The following CDH7 variants were observed in gnomAD, a reference collection of about 807,000 sequenced individuals.
CDH7 encodes the protein cadherin-7.
In CDH7, 25 loss-of-function variants were observed where a neutral mutation model predicts 71.8. That is an observed-to-expected ratio of 0.35 (90% CI 0.25 to 0.49). The LOEUF (loss-of-function observed/expected upper bound fraction) is 0.49. Among genes scored for constraint, CDH7 ranks in the 20% least tolerant of loss-of-function variants. The pLI is 0.99. For missense variants in CDH7, 862 were observed against 974.6 expected (o/e 0.88, Z 1.54); for synonymous variants, 381 against 363.8 (o/e 1.05, Z -0.54).
intron 3 of CDH7, among the ~76,000 whole-genome samples, chr18:65,812,582 T>C (rs1172562583): frequency 6.6e-6 from 1 of 152,210 alleles, no homozygotes; most frequent in Non-Finnish European, 1.5e-5. Context: ...TTTTATTGGA[T>C]GTTAGCTAAT....
At chr18:65,847,305 G>A (rs1225822110) in intron 7 of CDH7, among the ~76,000 whole-genome samples, 1 of 152,106 alleles carries the variant, frequency 6.6e-6, no homozygotes, top group Non-Finnish European at 1.5e-5. Context: ...GAATGGAAAA[G>A]CATTATTTGT....
chr18:65,855,516 T>C (rs1018800654), intron 7 of CDH7, among the ~76,000 whole-genome samples: 1 of 90,508 alleles, frequency 1.1e-5, no homozygotes, highest in Non-Finnish European at 2.8e-5. Context: ...CGGATCAATT[T>C]TTCAAAAAGT....
chr18:65,798,447 T>A (rs767893043), intron 2 of CDH7, among the ~76,000 whole-genome samples: 6 of 152,206 alleles, frequency 3.9e-5, no homozygotes, highest in Non-Finnish European at 7.3e-5. Flanking sequence ...GGAGCCAAGC[T>A]CTGTGATTCA....
intron 2 of CDH7, among the ~76,000 whole-genome samples, chr18:65,771,530 G>C (rs1002611125): frequency 6.6e-6 from 1 of 151,458 alleles, no homozygotes; most frequent in African/African-American, 2.4e-5. Context: ...AAAATTAGCC[G>C]GACGTCATTG....
rs550347144 is a variant in CDH7 at position 65,877,294 on chromosome 18, G to T, written c.1865-3107G>T. On this transcript the variant is annotated intron_variant, in intron 11 of 11. Coordinates refer to ENST00000397968, the MANE Select transcript of CDH7 (RefSeq NM_004361.5). ...TACCTTAGGGCTGGTATACCCACAGGCACTGTAGAGTTTTACTTTGATTGA... is the reference window on the plus strand; with the variant it reads ...TACCTTAGGGCTGGTATACCCACAGTCACTGTAGAGTTTTACTTTGATTGA... Among the ~76,000 whole-genome samples, 114 of 152,096 alleles carry T rather than the reference G, an allele frequency of 7.5e-4. 1 individual carries two copies. The highest frequency in any genetic ancestry group is 2.6e-3 in the African/African-American group (108 of 41,512).
intron 11 of CDH7, chr18:65,865,314 G>C (rs536462586): frequency 6.6e-6 from 1 of 152,156 alleles, no homozygotes; most frequent in South Asian, 2.1e-4. Context: ...GTGCATGTAT[G>C]CTTGTGTGTG....
intron 2 of CDH7, among the ~76,000 whole-genome samples, chr18:65,799,796 C>A (rs1911053177): frequency 6.6e-6 from 1 of 152,134 alleles, no homozygotes; most frequent in South Asian, 2.1e-4. Context: ...GCTTCTCATT[C>A]TTTTGGGTTT....
intron 1 of CDH7, among the ~76,000 whole-genome samples, chr18:65,761,840 A>G (rs1043936426): frequency 1.3e-5 from 2 of 152,206 alleles, no homozygotes; most frequent in African/African-American, 4.8e-5. Context: ...CCAGCAATGA[A>G]TGGGCCTCAC....
At chr18:65,758,735 C>T (rs1010373358) in intron 1 of CDH7, among the ~76,000 whole-genome samples, 5 of 152,182 alleles carry the variant, frequency 3.3e-5, no homozygotes, top group African/African-American at 1.2e-4. Context: ...GTGATTGTGA[C>T]TTATAAACAT....
chr18:65,754,430 T>A (rs1915975726), intron 1 of CDH7, among the ~76,000 whole-genome samples: 1 of 152,168 alleles, frequency 6.6e-6, no homozygotes, highest in African/African-American at 2.4e-5. Context: ...ACGTGAGAAG[T>A]CACATATCAC....
At position 65,858,053 on chromosome 18, in the gene CDH7, T is replaced by G. The variant is rs147809530; in HGVS notation, c.1372+101T>G. The G allele has an allele frequency of 1.1e-5, 13 of 1,135,256 alleles. No homozygotes were observed. The African/African-American group carries it at 1.7e-4, about 15-fold the overall frequency. 70.3% of individuals were successfully genotyped at this position (1,135,256 alleles called of 1,614,324 possible). ...TCAAGTTAATTAAAGTAGTTCCTTC[T>G]TTGAATTGTACAAAAACTTGAGAAT... On this transcript the variant is annotated intron_variant, in intron 8 of 11. Transcript: ENST00000397968.
chr18:65,793,269 CA>C (rs1213206538), intron 2 of CDH7, among the ~76,000 whole-genome samples: 4 of 151,840 alleles, frequency 2.6e-5, no homozygotes. Flanking sequence ...CCTGTCTCTA[CA>C]AAAAATATAA....
chr18:65,820,349 AG>A (rs1911878432), intron 4 of CDH7, among the ~76,000 whole-genome samples: 1 of 151,918 alleles, frequency 6.6e-6, no homozygotes, highest in South Asian at 2.1e-4. Context: ...ACGGAGTTAT[AG>A]GTATCCAATT....
chr18:65,794,749 G>A (rs1160206069), intron 2 of CDH7, among the ~76,000 whole-genome samples: 3 of 152,072 alleles, frequency 2.0e-5, no homozygotes, highest in African/African-American at 7.2e-5. Flanking sequence ...CACACTCAGG[G>A]CGGTGTGGGG....
intron 8 of CDH7, among the ~76,000 whole-genome samples, chr18:65,858,619 C>A (rs1434011339): frequency 3.3e-5 from 5 of 151,670 alleles, no homozygotes; most frequent in Non-Finnish European, 7.4e-5. Flanking sequence ...TATATATATG[C>A]ATGTATATCC....
chr18:65,803,538 T>C (rs2143889853), intron 2 of CDH7: 1 of 152,240 alleles, frequency 6.6e-6, no homozygotes, highest in Non-Finnish European at 1.5e-5. Flanking sequence ...CAGTAATAAT[T>C]ATAAATTAGG....
At chr18:65,760,408 A>G (rs545110691) in intron 1 of CDH7, among the ~76,000 whole-genome samples, 2 of 152,184 alleles carry the variant, frequency 1.3e-5, no homozygotes, top group East Asian at 1.9e-4. Flanking sequence ...CAAGTATTGA[A>G]TTCCAAAAGC....
chr18:65,804,634 A>G (rs891174383), intron 2 of CDH7, among the ~76,000 whole-genome samples: 2 of 151,792 alleles, frequency 1.3e-5, no homozygotes, highest in African/African-American at 2.4e-5. Context: ...TAAAAATTTA[A>G]TGAAGGTAAT....
intron 2 of CDH7, among the ~76,000 whole-genome samples, chr18:65,799,431 A>G (rs1471286318): frequency 2.6e-5 from 4 of 152,102 alleles, no homozygotes; most frequent in African/African-American, 9.7e-5. Context: ...TAATCCCAGC[A>G]CTTTGGGAGG....
Sources: allele counts gnomAD v4.1 joint callset (sites outside exome capture counted in the v4.1 genomes callset), GRCh38; gene constraint gnomAD v4.1.1; transcripts MANE v1.5; gene names NCBI Gene and HGNC (gene_info 2026-07-23, HGNC 2026-07-21).